Variants in GLE1 observed in about 807,000 individuals in gnomAD.
The protein encoded by GLE1 is mRNA export factor GLE1.
Under a neutral mutation model 97.3 loss-of-function variants are expected in GLE1, and 78 were observed. The observed-to-expected ratio is 0.80, with a 90% CI of 0.67 to 0.97. The LOEUF is 0.97. GLE1 is among the 50% of genes least tolerant of loss of function. The probability of loss-of-function intolerance (pLI) is 0.00; values close to 1 mark genes in which losing one functional copy is unlikely to be tolerated. For missense variants in GLE1, 753 were observed against 857.5 expected, an observed-to-expected ratio of 0.88 and a Z score of 1.52; for synonymous variants, 302 against 313.4, an observed-to-expected ratio of 0.96 and a Z score of 0.39.
In GLE1 at chr9:128,538,001, T is replaced by C; in HGVS notation, c.1792T>C (p.Leu598=). The C allele has an allele frequency of 6.2e-7, 1 of 1,607,912 alleles. No homozygotes were observed. Among genetic ancestry groups the C allele is most frequent in the Non-Finnish European group, 8.5e-7 (1 of 1,174,390 alleles). ...GNRQEIHPHG[L]NHGWRWLAQI... The stretch of plus-strand genomic sequence containing the variant: ...CTACTCCCAGATTCACCCTCATGGC[T>C]TAAATCATGGATGGCGCTGGTTGGC... The change falls in exon 13 of 16, where the codon TTA becomes CTA. Residue 598 remains leucine, a synonymous_variant. Transcript: ENST00000309971.
chr9:128,535,300 C>T (rs1254819572), intron 11 of GLE1, among the ~76,000 whole-genome samples: 8 of 149,740 alleles, frequency 5.3e-5, no homozygotes. Context: ...GCGGGCGGAT[C>T]ACCTGAGGCC....
intron 1 of GLE1, 37 bp downstream of exon 1, chr9:128,504,941 C>T: frequency 7.3e-7 from 1 of 1,372,292 alleles, no homozygotes; most frequent in Non-Finnish European, 1.0e-6. Context: ...GCCTTTCCGG[C>T]CCCTCGCGAC....
chr9:128,508,018 T>G (rs1846691332), intron 1 of GLE1, among the ~76,000 whole-genome samples: 1 of 151,232 alleles, frequency 6.6e-6, no homozygotes, highest in Non-Finnish European at 1.5e-5. Context: ...CCGTATCTAC[T>G]AAAAGTACAA....
chr9:128,536,581 G>C (rs1254821195), intron 12 of GLE1, 97 bp downstream of exon 12: 4 of 1,103,024 alleles, frequency 3.6e-6, no homozygotes, highest in Non-Finnish European at 5.5e-6. Flanking sequence ...CAGAGAGCCA[G>C]TCTAGTTAAA....
chr9:128,540,547 T>C (rs1225579644), intron 15 of GLE1: 5 of 589,634 alleles, frequency 8.5e-6, no homozygotes, highest in Admixed American at 2.8e-5. Context: ...ATACTGCCTG[T>C]GAGAAAGCTA....
intron 3 of GLE1, among the ~76,000 whole-genome samples, chr9:128,518,713 C>G (rs1225229919): frequency 6.6e-6 from 1 of 151,974 alleles, no homozygotes; most frequent in Non-Finnish European, 1.5e-5. Flanking sequence ...ACTAAAAATA[C>G]AAAAATTAGC....
chr9:128,534,499 C>T (rs566005959), intron 11 of GLE1, among the ~76,000 whole-genome samples: 1 of 152,134 alleles, frequency 6.6e-6, no homozygotes, highest in South Asian at 2.1e-4. Context: ...AATTTTATCC[C>T]TGCTTTGTCA....
rs185745148 is a variant in GLE1 at position 128,537,835 on chromosome 9, T to A, written c.1777-151T>A. On this transcript the variant is annotated intron_variant, in intron 12 of 15. Transcript: ENST00000309971. ...AAAAAAATAAAAGAAAAACAGAATT[T>A]GTTTAGTTTGTGTTATTTCTGCCCT... The A allele has an allele frequency of 1.2e-5, 8 of 681,216 alleles. No individual in the cohort carries two copies. The East Asian group carries it at 2.2e-4, about 19-fold the overall frequency. The allele number at this position is 681,216 out of a possible 1,614,324, so 42.2% of individuals were successfully genotyped here.
At position 128,540,011 on chromosome 9, in the gene GLE1, G is replaced by A. The variant is rs1239187129; in HGVS notation, c.1965-264G>A. On this transcript the variant is annotated intron_variant, in intron 14 of 15. Transcript: ENST00000309971. ...ACAGGAGGAGGATCACTTGAGCCCA[G>A]GTGTTCAAAACCAGCCTGGGCAATA... 4 of 687,118 alleles carry A rather than the reference G, an allele frequency of 5.8e-6. No homozygotes were observed. The Admixed American group carries it at 1.2e-4, about 20-fold the overall frequency. The allele number at this position is 687,118 out of a possible 1,614,324, so 42.6% of individuals were successfully genotyped here. A position where few individuals can be genotyped will look rare whatever the true frequency, so the allele number is the denominator to read the frequency against.
intron 3 of GLE1, among the ~76,000 whole-genome samples, chr9:128,517,583 T>A (rs1251252060): frequency 6.6e-6 from 1 of 152,208 alleles, no homozygotes; most frequent in Non-Finnish European, 1.5e-5. Context: ...ATATCAGAGT[T>A]GTTTTAATTC....
intron 13 of GLE1, among the ~76,000 whole-genome samples, chr9:128,538,974 C>G (rs759708540): frequency 1.3e-4 from 20 of 152,062 alleles, no homozygotes; most frequent in Non-Finnish European, 2.1e-4. Flanking sequence ...CTGACGTCAG[C>G]CAGGTGCAGT....
At chr9:128,530,412 CCT>C (rs1847457102) in intron 9 of GLE1, among the ~76,000 whole-genome samples, 2 of 152,274 alleles carry the variant, frequency 1.3e-5, no homozygotes, top group South Asian at 4.1e-4. Context: ...ATGACTGCTG[CCT>C]CTCTTTCACT....
chr9:128,539,825 T>C (rs1277239152), intron 14 of GLE1, 127 bp downstream of exon 14: 1 of 1,562,494 alleles, frequency 6.4e-7, no homozygotes, highest in East Asian at 2.3e-5. Flanking sequence ...TATGACATCT[T>C]TCCTACTCCA....
At chr9:128,527,647 G>A (rs553325541) in intron 9 of GLE1, 122 bp downstream of exon 9, 372 of 734,018 alleles carry the variant, frequency 5.1e-4, no homozygotes, top group Middle Eastern at 1.5e-3. Context: ...CAGTTGGATC[G>A]GGTACATATA....
chr9:128,537,925 C>G (rs573300557), intron 12 of GLE1, 61 bp from the exon 13 acceptor site: 1 of 938,146 alleles, frequency 1.1e-6, no homozygotes. Flanking sequence ...GGATGATACA[C>G]TGGGAGTTTA....
intron 9 of GLE1, among the ~76,000 whole-genome samples, chr9:128,528,003 C>CTTT (rs754132202): frequency 1.1e-4 from 12 of 111,436 alleles, no homozygotes; most frequent in South Asian, 3.6e-4. Flanking sequence ...TTCTTTTTTT[C>CTTT]TTTTTTTTTT....
Position 128,541,210 on chromosome 9 carries a change from G to A in GLE1, c.*40G>A, listed in dbSNP as rs780304591. 2.7e-6 allele frequency: 3 copies of A among 1,131,894 alleles called. No individual in the cohort carries two copies. The South Asian group carries it at 3.7e-5, about 14-fold the overall frequency. The allele number at this position is 1,131,894 out of a possible 1,614,324, so 70.1% of individuals were successfully genotyped here. On this transcript the variant is annotated 3_prime_UTR_variant, in exon 16 of 16. Transcript: ENST00000309971. The stretch of plus-strand genomic sequence containing the variant: ...CCACCATCACCGCTGCTGCAAAGAG[G>A]CAATAATAAAGGAACTGAAGACAGC...
chr9:128,534,418 A>C (rs2132512638), intron 11 of GLE1, among the ~76,000 whole-genome samples: 1 of 152,134 alleles, frequency 6.6e-6, no homozygotes, highest in South Asian at 2.1e-4. Context: ...TAAACTGGAG[A>C]GCCTTTGGGA....
Position 128,533,868 on chromosome 9 carries a change from T to C in GLE1, c.1563T>C (p.Leu521=). 1 of 1,613,254 alleles carries C rather than the reference T, an allele frequency of 6.2e-7. No homozygotes were observed. The highest frequency in any genetic ancestry group is 8.5e-7 in the Non-Finnish European group (1 of 1,179,178). The change falls in exon 11 of 16, where the codon CTT becomes CTC. Residue 521 remains leucine (L), a synonymous_variant. Transcript: ENST00000309971. ...ELHPRVGDLI[L]AHLHKKCPYS... is the part of the protein sequence containing the mutation. ...ACCCCAGAGTGGGGGACCTCATTCT[T>C]GCTCATCTACATAAGAAGTGTCCTT...
Sources: gnomAD v4.1 joint callset for allele counts (sites outside exome capture counted in the v4.1 genomes callset) on GRCh38, gnomAD v4.1.1 for gene constraint, MANE v1.5 for transcripts, NCBI Gene and HGNC (gene_info 2026-07-23, HGNC 2026-07-21) for gene names.